The following SLC39A10 variants were observed in gnomAD, a reference collection of about 807,000 sequenced individuals.
SLC39A10 encodes solute carrier family 39 member 10.
Under a neutral mutation model 65.1 loss-of-function variants are expected in SLC39A10, and 13 were observed. The ratio of observed to expected loss-of-function variants is 0.20; its 90% CI spans 0.13 to 0.32. The LOEUF is 0.32. SLC39A10 is among the 10% of genes least tolerant of loss of function. The pLI is 1.00. For synonymous variants in SLC39A10, 321 were observed against 342.2 expected (o/e 0.94, Z 0.68); for missense variants, 831 against 1,018.4 (o/e 0.82, Z 2.50).
chr2:195,689,518 G>T (rs2105784730), intron 3 of SLC39A10, among the ~76,000 whole-genome samples: 1 of 152,026 alleles, frequency 6.6e-6, no homozygotes, highest in South Asian at 2.1e-4. Context: ...CATAAAATTT[G>T]CCATTTTAAC....
chr2:195,653,830 G>C (rs1024289209), upstream of SLC39A10, among the ~76,000 whole-genome samples: 1 of 152,232 alleles, frequency 6.6e-6, no homozygotes, highest in African/African-American at 2.4e-5. Context: ...AACTGGAGAT[G>C]AATTTAGGAA....
intron 2 of SLC39A10, among the ~76,000 whole-genome samples, chr2:195,632,084 G>A (rs1021527518): frequency 6.6e-5 from 10 of 151,358 alleles, no homozygotes; most frequent in African/African-American, 2.2e-4. Flanking sequence ...GTAAAGATGG[G>A]GTCTCACTAT....
intron 1 of SLC39A10, among the ~76,000 whole-genome samples, chr2:195,668,592 TGAAA>T (rs746134053): frequency 2.6e-5 from 4 of 152,258 alleles, no homozygotes; most frequent in African/African-American, 7.2e-5. Flanking sequence ...CACATGGGTA[TGAAA>T]GAAAGAATTG....
intron 8 of SLC39A10, among the ~76,000 whole-genome samples, chr2:195,726,090 T>G (rs942753884): frequency 1.3e-5 from 2 of 152,208 alleles, no homozygotes; most frequent in African/African-American, 4.8e-5. Context: ...TACCACAGTT[T>G]TTAAAAGTAT....
intron 2 of SLC39A10, among the ~76,000 whole-genome samples, chr2:195,616,398 C>T (rs1257436935): frequency 1.3e-5 from 2 of 152,000 alleles, no homozygotes; most frequent in Non-Finnish European, 2.9e-5. Context: ...CCTCTGCCTC[C>T]CGGGTTCAAG....
chr2:195,653,670 T>C (rs1396363479), upstream of SLC39A10, among the ~76,000 whole-genome samples: 1 of 152,216 alleles, frequency 6.6e-6, no homozygotes, highest in Non-Finnish European at 1.5e-5. Flanking sequence ...CTGGTACTAG[T>C]GTTTCAGGTT....
At chr2:195,633,968 A>G (rs547067959) in intron 2 of SLC39A10, among the ~76,000 whole-genome samples, 2 of 152,372 alleles carry the variant, frequency 1.3e-5, no homozygotes, top group South Asian at 4.1e-4. Flanking sequence ...TTTTCTGCCT[A>G]GAATTTCTCT....
At chr2:195,653,236 GTC>G (rs998015599), upstream of SLC39A10, among the ~76,000 whole-genome samples, 47 of 151,820 alleles carry the variant, frequency 3.1e-4, no homozygotes, top group African/African-American at 1.1e-3. Flanking sequence ...GCTACAAAAA[GTC>G]TCTTTCATCA....
intron 4 of SLC39A10, 146 bp downstream of exon 4, chr2:195,706,931 C>G: frequency 1.8e-6 from 1 of 544,462 alleles, no homozygotes; most frequent in East Asian, 3.6e-5. Context: ...TCTCCATTTT[C>G]AGAGTTTTAA....
intron 9 of SLC39A10, among the ~76,000 whole-genome samples, chr2:195,729,068 G>A (rs917117515): frequency 2.6e-5 from 4 of 151,626 alleles, no homozygotes; most frequent in African/African-American, 9.7e-5. Context: ...GACCTCCTGG[G>A]CTCAAGCAAT....
At chr2:195,659,453 T>C (rs79079878) in intron 1 of SLC39A10, among the ~76,000 whole-genome samples, 5,192 of 152,226 alleles carry the variant, frequency 0.034, 302 homozygotes, top group African/African-American at 0.12. Context: ...TTTTCAAAAG[T>C]GATTTTTGGA....
intron 3 of SLC39A10, among the ~76,000 whole-genome samples, chr2:195,687,045 G>C (rs1690551464): frequency 1.3e-5 from 2 of 152,158 alleles, no homozygotes; most frequent in African/African-American, 2.4e-5. Flanking sequence ...TAAAAGGAGA[G>C]AAAGTGGGGC....
intron 9 of SLC39A10, among the ~76,000 whole-genome samples, chr2:195,734,477 C>G (rs978132922): frequency 4.6e-5 from 7 of 152,090 alleles, no homozygotes; most frequent in African/African-American, 1.7e-4. Flanking sequence ...ATCTTGCTTT[C>G]TTATTGAGTT....
chr2:195,633,801 T>A (rs779458056), intron 2 of SLC39A10, among the ~76,000 whole-genome samples: 1 of 152,200 alleles, frequency 6.6e-6, no homozygotes, highest in African/African-American at 2.4e-5. Flanking sequence ...CAGCTGCTTC[T>A]TCTCCTCTTG....
intron 2 of SLC39A10, among the ~76,000 whole-genome samples, chr2:195,628,153 G>A (rs987821684): frequency 1.3e-5 from 2 of 152,166 alleles, no homozygotes; most frequent in African/African-American, 4.8e-5. Context: ...GAAAGATTTA[G>A]ATGTTCCCTC....
chr2:195,677,280 G>A (rs905410542), intron 1 of SLC39A10, among the ~76,000 whole-genome samples: 6 of 152,068 alleles, frequency 3.9e-5, no homozygotes, highest in African/African-American at 1.5e-4. Context: ...GCCAGGTATG[G>A]TAGCTCACAC....
At chr2:195,714,680 C>A (rs956093803) in intron 6 of SLC39A10, among the ~76,000 whole-genome samples, 3 of 152,190 alleles carry the variant, frequency 2.0e-5, no homozygotes, top group Admixed American at 6.5e-5. Context: ...AAATCTGGTT[C>A]AAGTTCAATA....
chr2:195,653,122 A>C (rs1200245768), upstream of SLC39A10, among the ~76,000 whole-genome samples: 1 of 152,166 alleles, frequency 6.6e-6, no homozygotes, highest in Non-Finnish European at 1.5e-5. Context: ...TTCCCACAAG[A>C]GACAGTTTTG....
chr2:195,662,826 G>T (rs1430930606), intron 1 of SLC39A10, among the ~76,000 whole-genome samples: 1 of 152,184 alleles, frequency 6.6e-6, no homozygotes, highest in African/African-American at 2.4e-5. Flanking sequence ...GCTTATTGAT[G>T]TGTGTATTGT....
Sources: gnomAD v4.1 joint callset for allele counts (sites outside exome capture counted in the v4.1 genomes callset) on GRCh38, gnomAD v4.1.1 for gene constraint, MANE v1.5 for transcripts, NCBI Gene and HGNC (gene_info 2026-07-23, HGNC 2026-07-21) for gene names.